The following PCDHA12 variants were observed in gnomAD, a reference collection of about 807,000 sequenced individuals.
PCDHA12 encodes protocadherin alpha-12.
Under a neutral mutation model 60.0 loss-of-function variants are expected in PCDHA12, and 44 were observed. The ratio of observed to expected loss-of-function variants is 0.73; its 90% CI spans 0.58 to 0.94. The LOEUF is 0.94. PCDHA12 is among the 40% of genes least tolerant of loss of function. The probability of loss-of-function intolerance (pLI) is 0.00; values close to 1 mark genes in which losing one functional copy is unlikely to be tolerated. For missense variants in PCDHA12, 1,276 were observed against 1,239.7 expected, an observed-to-expected ratio of 1.03 and a Z score of -0.44; for synonymous variants, 569 against 553.0, an observed-to-expected ratio of 1.03 and a Z score of -0.40.
chr5:140,982,526 T>A lies in PCDHA12; in HGVS notation c.2478T>A (p.Pro826=). Residue 826 remains proline (P), a synonymous_variant, in exon 3 of 4, where the codon CCT becomes CCA. Coordinates refer to ENST00000398631, the MANE Select transcript of PCDHA12 (RefSeq NM_018903.4). ...TTCTACGGGCTGGTCCAGGAGGGCC[T>A]GATCAGCAGTGGCCAACAGTATCCA... ...AGILRAGPGG[P]DQQWPTVSSA... is the part of the protein sequence containing the mutation. 1.2e-6 allele frequency: 2 copies of A among 1,614,192 alleles called. No individual in the cohort carries two copies. Among genetic ancestry groups the A allele is most frequent in the Non-Finnish European group, 1.7e-6 (2 of 1,180,028 alleles).
chr5:140,903,642 A>G (rs1583499752), intron 1 of PCDHA12, among the ~76,000 whole-genome samples: 2 of 152,374 alleles, frequency 1.3e-5, no homozygotes, highest in East Asian at 3.8e-4. Context: ...CATATACCAT[A>G]TACATATATT....
chr5:140,892,509 A>G (rs2063553980), intron 1 of PCDHA12, among the ~76,000 whole-genome samples: 1 of 152,220 alleles, frequency 6.6e-6, no homozygotes, highest in Admixed American at 6.5e-5. Context: ...AAGAAGTTCC[A>G]CCATGACTGG....
At chr5:140,950,551 G>T (rs1162032370) in intron 1 of PCDHA12, among the ~76,000 whole-genome samples, 1 of 151,932 alleles carries the variant, frequency 6.6e-6, no homozygotes, top group African/African-American at 2.4e-5. Context: ...CATGGCTGGG[G>T]GGACACTTAT....
At chr5:140,955,146 T>C (rs184262984) in intron 1 of PCDHA12, among the ~76,000 whole-genome samples, 10 of 152,338 alleles carry the variant, frequency 6.6e-5, no homozygotes, top group African/African-American at 2.4e-4. Context: ...TCTGTTTTTG[T>C]ACCAGTACCG....
At chr5:140,992,807 C>G (rs781970284) in intron 3 of PCDHA12, among the ~76,000 whole-genome samples, 6 of 152,108 alleles carry the variant, frequency 3.9e-5, no homozygotes, top group Non-Finnish European at 4.4e-5. Flanking sequence ...CCATATGTAT[C>G]TAAGGATGTG....
rs1374109552 is a variant in PCDHA12 at position 141,010,068 on chromosome 5, T to C, written c.*131T>C. On this transcript the variant is annotated 3_prime_UTR_variant, in exon 4 of 4. Transcript: ENST00000398631. ...AGAGACCTCAGAAATCTGCAGAAAGTTCCCTGTGTCTGTCTAGAACGCATT... is the reference window on the plus strand; with the variant it reads ...AGAGACCTCAGAAATCTGCAGAAAGCTCCCTGTGTCTGTCTAGAACGCATT... 4 of 1,604,732 alleles carry C rather than the reference T, an allele frequency of 2.5e-6. No homozygotes were observed. Among genetic ancestry groups the C allele is most frequent in the Non-Finnish European group, 3.4e-6 (4 of 1,175,400 alleles).
Position 140,978,948 on chromosome 5 carries a change from G to A in PCDHA12, c.2368-1G>A, listed in dbSNP as rs1554239939. On this transcript the variant is annotated splice_acceptor_variant, in intron 1 of 3. Transcript: ENST00000398631. LOFTEE classifies it high-confidence loss of function. ...AGAAAACTCTCTTTGTGATTTTGCA[G>A]CCACGACAGCCCAACCCTGACTGGC... is the stretch of plus-strand genomic sequence containing the variant. 1 of 1,614,128 alleles carries A rather than the reference G, an allele frequency of 6.2e-7. No individual in the cohort carries two copies. The highest frequency in any genetic ancestry group is 8.5e-7 in the Non-Finnish European group (1 of 1,180,018).
chr5:140,979,999 C>G (rs1563478157), intron 2 of PCDHA12, among the ~76,000 whole-genome samples: 1 of 152,172 alleles, frequency 6.6e-6, no homozygotes, highest in African/African-American at 2.4e-5. Context: ...TTAACATACT[C>G]TCAAGCATTA....
In PCDHA12 at chr5:140,942,596, A is replaced by T. The variant is rs116159999; in HGVS notation, c.2368-36353A>T. On this transcript the variant is annotated intron_variant, in intron 1 of 3. Coordinates refer to ENST00000398631, the MANE Select transcript of PCDHA12 (RefSeq NM_018903.4). ...CCCATATAGGATGTCACATATAATT[A>T]TAGTGTTTATATTTGCCAATTGTAA... 7.0e-3 allele frequency among the ~76,000 whole-genome samples: 992 copies of T among 142,408 alleles called. 16 individuals carry two copies. Among genetic ancestry groups the T allele is most frequent in the African/African-American group, 0.025 (912 of 36,952 alleles). 93.4% of individuals were successfully genotyped at this position (142,408 alleles called of 152,430 possible).
chr5:140,896,486 C>T (rs2065571972), intron 1 of PCDHA12, among the ~76,000 whole-genome samples: 2 of 151,948 alleles, frequency 1.3e-5, no homozygotes, highest in African/African-American at 4.8e-5. Context: ...CCTCAGCCTC[C>T]TGAGTAGCTG....
In PCDHA12 at chr5:140,877,662, C is replaced by T; in HGVS notation, c.2190C>T (p.Ser730=). The part of the protein sequence containing the change: ...ALRCSAPPTV[S]RCAPGKPTLV... ...GTTGCTCAGCGCCGCCCACCGTGAG[C>T]CGGTGCGCGCCGGGCAAGCCCACGC... Residue 730 remains serine (S), a synonymous_variant, in exon 1 of 4, where the codon AGC becomes AGT. Coordinates refer to ENST00000398631, the MANE Select transcript of PCDHA12 (RefSeq NM_018903.4). 1 of 1,613,558 alleles carries T rather than the reference C, an allele frequency of 6.2e-7. No homozygotes were observed. The highest frequency in any genetic ancestry group is 8.5e-7 in the Non-Finnish European group (1 of 1,179,772).
In PCDHA12 at chr5:140,947,454, C is replaced by G. The variant is rs138457341; in HGVS notation, c.2368-31495C>G. 3.0e-4 allele frequency among the ~76,000 whole-genome samples: 45 copies of G among 151,700 alleles called. No individual in the cohort carries two copies. In the East Asian group the frequency reaches 8.3e-3, roughly 28 times the overall value. On this transcript the variant is annotated intron_variant, in intron 1 of 3. Coordinates refer to ENST00000398631, the MANE Select transcript of PCDHA12 (RefSeq NM_018903.4). ...AAAATCAGCTGTGAAATCCTCCAACCTTGTTCTACTTGTAAACATTGTTTT... is the reference window on the plus strand; with the variant it reads ...AAAATCAGCTGTGAAATCCTCCAACGTTGTTCTACTTGTAAACATTGTTTT...
At chr5:140,932,375 G>A (rs192897336) in intron 1 of PCDHA12, among the ~76,000 whole-genome samples, 31 of 151,942 alleles carry the variant, frequency 2.0e-4, no homozygotes, top group Non-Finnish European at 3.0e-5. Context: ...ATTTCCACAT[G>A]AAAGTTATAC....
rs1479921830 is a variant in PCDHA12 at position 140,876,971 on chromosome 5, G to A, written c.1499G>A (p.Gly500Asp). The A allele has an allele frequency of 1.9e-6, 3 of 1,612,696 alleles. No homozygotes were observed. In the African/African-American group the frequency reaches 4.0e-5, roughly 22 times the overall value. Residue 500 changes from glycine to aspartate, a missense_variant, in exon 1 of 4, where the codon GGC becomes GAC. Coordinates refer to ENST00000398631, the MANE Select transcript of PCDHA12 (RefSeq NM_018903.4). The part of the protein sequence containing the change: ...VSYSLVERRV[G>D]EHALSSYVSV... ...TACTCGCTGGTGGAGCGGCGGGTGG[G>A]CGAGCACGCACTGTCGAGCTACGTG...
chr5:140,927,942 T>C, intron 1 of PCDHA12: 1 of 1,614,226 alleles, frequency 6.2e-7, no homozygotes, highest in Non-Finnish European at 8.5e-7. Flanking sequence ...ACCCAGTACC[T>C]GAGGACGCTG....
intron 1 of PCDHA12, among the ~76,000 whole-genome samples, chr5:140,937,338 C>T (rs1554211545): frequency 1.3e-5 from 2 of 151,992 alleles, no homozygotes; most frequent in Non-Finnish European, 2.9e-5. Flanking sequence ...CGCCCGGCTT[C>T]TTCCATTTAT....
At chr5:140,979,126 A>G in intron 2 of PCDHA12, 119 bp downstream of exon 2, 2 of 1,481,366 alleles carry the variant, frequency 1.4e-6, no homozygotes, top group South Asian at 1.4e-5. Context: ...GTACTTTGCC[A>G]GGAAAATGCA....
intron 1 of PCDHA12, chr5:140,883,677 C>T (rs112867183): frequency 1.2e-6 from 2 of 1,613,726 alleles, no homozygotes. Flanking sequence ...AACAATCCGC[C>T]GGGCTGCCAC....
chr5:140,933,405 T>C (rs2089126451), intron 1 of PCDHA12, among the ~76,000 whole-genome samples: 1 of 152,062 alleles, frequency 6.6e-6, no homozygotes, highest in African/African-American at 2.4e-5. Context: ...GGTTACCATC[T>C]ACAGATATTC....
Sources: gnomAD v4.1 joint callset for allele counts (sites outside exome capture counted in the v4.1 genomes callset) on GRCh38, gnomAD v4.1.1 for gene constraint, MANE v1.5 for transcripts, NCBI Gene and HGNC (gene_info 2026-07-23, HGNC 2026-07-21) for gene names.